Variants in UNKL observed in about 807,000 individuals in gnomAD.
UNKL encodes unk like zinc finger, also known as putative E3 ubiquitin-protein ligase UNKL.
In UNKL, 60 loss-of-function variants were observed where a neutral mutation model predicts 78.0. The observed-to-expected ratio is 0.77, with a 90% confidence interval of 0.63 to 0.95. The LOEUF is 0.95. Ranked by LOEUF, UNKL falls within the 40% of genes least tolerant of loss-of-function variation. UNKL has a pLI of 0.00. For missense variants in UNKL, 1,159 were observed against 1,045.7 expected (o/e 1.11, Z -1.49); for synonymous variants, 608 against 474.8 (o/e 1.28, Z -3.65).
intron 10 of UNKL, among the ~76,000 whole-genome samples, chr16:1,384,380 A>G (rs960590566): frequency 6.6e-6 from 1 of 151,962 alleles, no homozygotes; most frequent in Non-Finnish European, 1.5e-5. Flanking sequence ...CTTCTGGAAG[A>G]ATCTGCCCCC....
chr16:1,366,852 C>CT (rs902785234), intron 14 of UNKL, among the ~76,000 whole-genome samples: 2 of 144,280 alleles, frequency 1.4e-5, no homozygotes, highest in Non-Finnish European at 3.1e-5. Flanking sequence ...CATTCGCTGA[C>CT]AAGAGGGAGG....
At chr16:1,366,475 C>T in intron 14 of UNKL, 80 bp from the exon 15 acceptor site, 2 of 1,443,348 alleles carry the variant, frequency 1.4e-6, no homozygotes, top group Non-Finnish European at 1.8e-6. Flanking sequence ...GCCTTCCGGG[C>T]AGGACTCAGC....
At chr16:1,369,067 T>TTTTG (rs1227160148) in intron 12 of UNKL, among the ~76,000 whole-genome samples, 3 of 125,754 alleles carry the variant, frequency 2.4e-5, no homozygotes, top group Non-Finnish European at 5.0e-5. Context: ...TTTTTTTTTT[T>TTTTG]TTTTTTTTTT....
Position 1,403,089 on chromosome 16 carries a change from C to T in UNKL, c.464+79G>A, listed in dbSNP as rs2037601696. 1 of 1,477,496 alleles carries T rather than the reference C, an allele frequency of 6.8e-7. No homozygotes were observed. Among genetic ancestry groups the T allele is most frequent in the South Asian group, 1.3e-5 (1 of 75,784 alleles). The allele number at this position is 1,477,496 out of a possible 1,614,324, so 91.5% of individuals were successfully genotyped here. Reference sequence around the variant, plus strand: ...AGCCTGCAGCAGCAGGGAGGCGAGCCACTTGCCGAGTTCCTGCTCATCCAG... The same window carrying T: ...AGCCTGCAGCAGCAGGGAGGCGAGCTACTTGCCGAGTTCCTGCTCATCCAG... On this transcript the variant is annotated intron_variant, in intron 3 of 14. Coordinates refer to ENST00000389221, the MANE Select transcript of UNKL (RefSeq NM_001372107.1). This position sits in a 1 kb window ranked among gnomAD's most constrained non-coding sequence, Gnocchi z 4.8.
chr16:1,370,142 A>G lies in UNKL; in HGVS notation c.1573T>C (p.Tyr525His). Residue 525 changes from tyrosine (Y) to histidine (H), a missense_variant, in exon 12 of 15, where the codon TAC becomes CAC. Tyr to His is a moderately conservative substitution (Grantham distance 83). Coordinates refer to ENST00000389221, the MANE Select transcript of UNKL (RefSeq NM_001372107.1). The part of the protein sequence containing the change: ...PGTLGSAASS[Y>H]SPLGLNGVPG... ...AGCCGGCACTCACCTAGGGGGCTGTAGGATGAGGCTGCAGAGCCCAGTGTG... is the reference window on the plus strand; with the variant it reads ...AGCCGGCACTCACCTAGGGGGCTGTGGGATGAGGCTGCAGAGCCCAGTGTG... The G allele has an allele frequency of 1.3e-6, 2 of 1,522,966 alleles. No individual in the cohort carries two copies. The highest frequency in any genetic ancestry group is 1.8e-6 in the Non-Finnish European group (2 of 1,130,676). The allele number at this position is 1,522,966 out of a possible 1,614,324, so 94.3% of individuals were successfully genotyped here.
rs368307399 is a variant in UNKL, at chr16:1,366,149, G to A, written c.*91C>T. Reference sequence around the variant, plus strand: ...GGCTCCCAGCCTCGGTCCTCACGTCGGTGGCACCAGAAGCGAGTGACGACA... The same window carrying A: ...GGCTCCCAGCCTCGGTCCTCACGTCAGTGGCACCAGAAGCGAGTGACGACA... On this transcript the variant is annotated 3_prime_UTR_variant, in exon 15 of 15. Coordinates refer to ENST00000389221, the MANE Select transcript of UNKL (RefSeq NM_001372107.1). The A allele has an allele frequency of 1.9e-5, 26 of 1,360,838 alleles. No homozygotes were observed. The Middle Eastern group carries it at 1.1e-3, about 57-fold the overall frequency. 84.3% of individuals were successfully genotyped at this position (1,360,838 alleles called of 1,614,324 possible).
At chr16:1,386,509 G>A (rs55659412) in intron 9 of UNKL, among the ~76,000 whole-genome samples, 15,583 of 152,106 alleles carry the variant, frequency 0.1, 1,025 homozygotes, top group Middle Eastern at 0.21. Flanking sequence ...AGCCGAGATC[G>A]CACCAATGCA....
At chr16:1,385,118 CAT>C (rs2036757943) in intron 10 of UNKL, 88 bp downstream of exon 10, 1 of 1,029,618 alleles carries the variant, frequency 9.7e-7, no homozygotes, top group African/African-American at 1.7e-5. Flanking sequence ...GATTCTGTAA[CAT>C]GTCCTGAAAT....
At chr16:1,411,633 T>C (rs2038042181) in intron 2 of UNKL, among the ~76,000 whole-genome samples, 1 of 152,114 alleles carries the variant, frequency 6.6e-6, no homozygotes, top group Admixed American at 6.5e-5. Flanking sequence ...AAGACCAGCC[T>C]GACCAACATG....
chr16:1,388,161 T>G (rs2036897364), intron 9 of UNKL, among the ~76,000 whole-genome samples: 1 of 151,902 alleles, frequency 6.6e-6, no homozygotes, highest in Non-Finnish European at 1.5e-5. Context: ...AGAGCAGGCC[T>G]GCCCCGCCCT....
At position 1,366,026 on chromosome 16, in the gene UNKL, C is replaced by T. The variant is rs547936497; in HGVS notation, c.*214G>A. 13 of 489,030 alleles carry T rather than the reference C, an allele frequency of 2.7e-5. No individual in the cohort carries two copies. The highest frequency in any genetic ancestry group is 5.5e-4 in the Middle Eastern group (1 of 1,830). The allele number at this position is 489,030 out of a possible 1,614,324, so 30.3% of individuals were successfully genotyped here. ...GTTTTTGAGGAAAATACCTTGAAAC[C>T]GTCGGTAGGACTAGATAGGTGACAA... On this transcript the variant is annotated 3_prime_UTR_variant, in exon 15 of 15. Transcript: ENST00000389221.
At chr16:1,378,354 T>C (rs1170372884) in intron 10 of UNKL, among the ~76,000 whole-genome samples, 1 of 152,228 alleles carries the variant, frequency 6.6e-6, no homozygotes, top group Non-Finnish European at 1.5e-5. Context: ...ACCTGCCCTC[T>C]GCACCCAAGT....
At chr16:1,396,357 C>T (rs745406260) in intron 6 of UNKL, among the ~76,000 whole-genome samples, 4 of 150,594 alleles carry the variant, frequency 2.7e-5, no homozygotes, top group South Asian at 2.1e-4. Context: ...CGGGTTCAAG[C>T]GATCCTCACG....
In UNKL at chr16:1,367,100, C is replaced by T; in HGVS notation, c.2038G>A (p.Val680Met). The T allele has an allele frequency of 6.4e-7, 1 of 1,566,624 alleles. No individual in the cohort carries two copies. Residue 680 changes from valine (V) to methionine (M), a missense_variant, in exon 14 of 15, where the codon GTG (valine) becomes ATG (methionine). Val to Met is a conservative substitution (Grantham distance 21). Transcript: ENST00000389221. Reference sequence around the variant, plus strand: ...CCCAGAGCAGGACTCACGCCGTCCACCGCCTCCAGGTCCAGGCGCAGCTGA... The same window carrying T: ...CCCAGAGCAGGACTCACGCCGTCCATCGCCTCCAGGTCCAGGCGCAGCTGA... ...QSQLRLDLEA[V>M]DGVIFQLRAK...
chr16:1,367,496 CCCTCCCT>C (rs2035384502), intron 13 of UNKL, 147 bp from the exon 14 acceptor site: 4 of 742,646 alleles, frequency 5.4e-6, no homozygotes, highest in Non-Finnish European at 7.9e-6. Context: ...CTCCCTCCCT[CCCTCCCT>C]CCCTCCCTCC....
At chr16:1,401,527 G>GCCCCCCCCCCCCCCCCCCC in intron 4 of UNKL, 41 bp downstream of exon 4, 1 of 1,404,770 alleles carries the variant, frequency 7.1e-7, no homozygotes, top group African/African-American at 1.5e-5. Flanking sequence ...CGCTGTGCCC[G>GCCCCCCCCCCCCCCCCCCC]CCCCCCCCAC....
chr16:1,392,495 C>T (rs901666367), intron 8 of UNKL, among the ~76,000 whole-genome samples: 1 of 151,994 alleles, frequency 6.6e-6, no homozygotes, highest in African/African-American at 2.4e-5. Flanking sequence ...AGTGAAATGA[C>T]GGGACCTCAC....
At chr16:1,375,145 C>T (rs983187254) in intron 10 of UNKL, among the ~76,000 whole-genome samples, 18 of 152,170 alleles carry the variant, frequency 1.2e-4, no homozygotes, top group African/African-American at 4.3e-4. Flanking sequence ...CCAGGGCAGC[C>T]GGAGTATCCT....
chr16:1,363,381 T>C lies in UNKL; in HGVS notation c.*2859A>G, dbSNP rs2034986877. On this transcript the variant is annotated 3_prime_UTR_variant, in exon 15 of 15. Transcript: ENST00000389221. ...CTGGGTTAAGAAAATTCCATTCAAA[T>C]AACATTCTCATGTAAATACTCAAAC... 2 of 419,168 alleles carry C rather than the reference T, an allele frequency of 4.8e-6. No individual in the cohort carries two copies. Among genetic ancestry groups the C allele is most frequent in the Admixed American group, 7.2e-5 (2 of 27,698 alleles). The allele number at this position is 419,168 out of a possible 1,614,324, so 26.0% of individuals were successfully genotyped here.
Sources: gnomAD v4.1 joint callset for allele counts (sites outside exome capture counted in the v4.1 genomes callset) on GRCh38, gnomAD v4.1.1 for gene constraint, Gnocchi (gnomAD v3.1) non-coding constraint, MANE v1.5 for transcripts, NCBI Gene and HGNC (gene_info 2026-07-23, HGNC 2026-07-21) for gene names.